YME1L1: variants seen among roughly 807,000 people sequenced by gnomAD.
The protein encoded by YME1L1 is YME1 like 1 ATPase.
Under a neutral mutation model 90.4 loss-of-function variants are expected in YME1L1, and 39 were observed. The ratio of observed to expected loss-of-function variants is 0.43; its 90% CI spans 0.33 to 0.56. The LOEUF (loss-of-function observed/expected upper bound fraction) is 0.56. Ranked by LOEUF, YME1L1 falls within the 20% of genes least tolerant of loss-of-function variation. The pLI is 0.03. For synonymous variants in YME1L1, 284 were observed against 287.3 expected, an observed-to-expected ratio of 0.99 and a Z score of 0.12; for missense variants, 617 against 868.4, an observed-to-expected ratio of 0.71 and a Z score of 3.64.
At chr10:27,144,493 A>C (rs1341395331) in intron 3 of YME1L1, among the ~76,000 whole-genome samples, 1 of 152,180 alleles carries the variant, frequency 6.6e-6, no homozygotes, top group Non-Finnish European at 1.5e-5. Flanking sequence ...GGCCTGTTTA[A>C]GTGCCATCCA....
In YME1L1 at chr10:27,154,287, G is replaced by A; in HGVS notation, c.-77C>T. The A allele has an allele frequency of 6.6e-7, 1 of 1,515,432 alleles. No individual in the cohort carries two copies. Among genetic ancestry groups the A allele is most frequent in the Non-Finnish European group, 8.9e-7 (1 of 1,123,952 alleles). The allele number at this position is 1,515,432 out of a possible 1,614,324, so 93.9% of individuals were successfully genotyped here. A position where few individuals can be genotyped will look rare whatever the true frequency, so the allele number is the denominator to read the frequency against. On this transcript the variant is annotated 5_prime_UTR_variant, in exon 1 of 19. Transcript: ENST00000376016. ...GTCCACGGCCCGGCGGGGAGGCGCT[G>A]AGCCCTTCTTTTTTCCTTTTTCTCC...
chr10:27,145,647 A>T (rs2057136772), intron 2 of YME1L1, 57 bp from the exon 3 acceptor site: 2 of 1,387,884 alleles, frequency 1.4e-6, no homozygotes, highest in Non-Finnish European at 2.0e-6. Flanking sequence ...ATTTAACCTA[A>T]GGAGTACATA....
intron 2 of YME1L1, chr10:27,147,496 A>G: frequency 1.9e-6 from 3 of 1,613,612 alleles, no homozygotes; most frequent in Non-Finnish European, 2.5e-6. Context: ...CCCGCAGTGT[A>G]CAGGGATTGA....
At chr10:27,128,594 A>G (rs746387910) in intron 8 of YME1L1, among the ~76,000 whole-genome samples, 14 of 151,830 alleles carry the variant, frequency 9.2e-5, no homozygotes, top group East Asian at 1.9e-4. Context: ...ACCCCCCAAA[A>G]AAAAGAAGAA....
intron 18 of YME1L1, among the ~76,000 whole-genome samples, chr10:27,112,476 A>C (rs1420579137): frequency 2.0e-5 from 3 of 152,112 alleles, no homozygotes; most frequent in Non-Finnish European, 4.4e-5. Flanking sequence ...AGCCCTCTCA[A>C]GTGCTATTTG....
At chr10:27,153,118 G>A (rs555667964) in intron 1 of YME1L1, 16 of 458,032 alleles carry the variant, frequency 3.5e-5, no homozygotes, top group South Asian at 1.9e-4. Context: ...GGACCTCCAG[G>A]TATTTTTCTG....
chr10:27,152,777 C>T (rs899371801), intron 1 of YME1L1, among the ~76,000 whole-genome samples: 2 of 151,810 alleles, frequency 1.3e-5, no homozygotes, highest in African/African-American at 4.8e-5. Context: ...ATATCTCATT[C>T]TCTTCTTTCC....
At chr10:27,133,551 G>A (rs2056997363) in intron 7 of YME1L1, among the ~76,000 whole-genome samples, 1 of 152,082 alleles carries the variant, frequency 6.6e-6, no homozygotes. Context: ...GGCCCACAAA[G>A]TATTTTTTAA....
chr10:27,151,458 A>G (rs971323987), intron 1 of YME1L1, among the ~76,000 whole-genome samples: 1 of 152,246 alleles, frequency 6.6e-6, no homozygotes, highest in South Asian at 2.1e-4. Context: ...GGTACAGACC[A>G]TTTAATAGAT....
chr10:27,139,895 T>A (rs1189767694), intron 4 of YME1L1, among the ~76,000 whole-genome samples: 1 of 152,260 alleles, frequency 6.6e-6, no homozygotes, highest in Non-Finnish European at 1.5e-5. Context: ...TAAATTTGTT[T>A]TTGGTTTAAT....
intron 18 of YME1L1, among the ~76,000 whole-genome samples, chr10:27,113,968 T>A (rs1588580032): frequency 1.3e-5 from 2 of 150,996 alleles, no homozygotes; most frequent in South Asian, 4.2e-4. Context: ...AAAAAAAAAA[T>A]TTATTTGTTG....
Position 27,143,361 on chromosome 10 carries a change from C to T in YME1L1, c.332-876G>A, listed in dbSNP as rs1041819780. 2.7e-5 allele frequency among the ~76,000 whole-genome samples: 4 copies of T among 149,196 alleles called. No homozygotes were observed. In the South Asian group the frequency reaches 8.6e-4, roughly 32 times the overall value. ...TCCCGCCTGGGCAACAAGAGTGAAACTCAGTCTCAAAAACAAAACAAAACA... is the reference window on the plus strand; with the variant it reads ...TCCCGCCTGGGCAACAAGAGTGAAATTCAGTCTCAAAAACAAAACAAAACA... On this transcript the variant is annotated intron_variant, in intron 3 of 18. Transcript: ENST00000376016.
In YME1L1 at chr10:27,117,564, C is replaced by CA. The variant is rs1254112036; in HGVS notation, c.1719+11dup. On this transcript the variant is annotated intron_variant, in intron 15 of 18. Transcript: ENST00000376016. ...GCCTGGGTGACAGGGCGAGACACTA[C>CA]AAAAAACTTACATGTCCAAGTGTTG... 9.3e-6 allele frequency: 15 copies of CA among 1,612,228 alleles called. No individual in the cohort carries two copies. Among genetic ancestry groups the CA allele is most frequent in the Non-Finnish European group, 1.3e-5 (15 of 1,179,430 alleles).
chr10:27,112,115 T>A lies in YME1L1; in HGVS notation c.2013A>T (p.Ser671=), dbSNP rs542565458. ...TCAAGATATGTTTTGCTCGTTCATA[T>A]GAGTCCTGAAACAGAAAAGGAGATA... is the stretch of plus-strand genomic sequence containing the variant. The part of the protein sequence containing the change: ...EQEIRILLRD[S]YERAKHILKT... The change falls in exon 19 of 19, where the codon TCA becomes TCT. Residue 671 remains serine, a synonymous_variant. Coordinates refer to ENST00000376016, the MANE Select transcript of YME1L1 (RefSeq NM_014263.4). 1 of 1,612,760 alleles carries A rather than the reference T, an allele frequency of 6.2e-7. No individual in the cohort carries two copies. Among genetic ancestry groups the A allele is most frequent in the Non-Finnish European group, 8.5e-7 (1 of 1,179,640 alleles).
At chr10:27,119,811 A>C (rs2056848411) in intron 13 of YME1L1, among the ~76,000 whole-genome samples, 1 of 139,830 alleles carries the variant, frequency 7.2e-6, no homozygotes, top group Non-Finnish European at 1.5e-5. Flanking sequence ...CTCTTGTCTC[A>C]AAAAAAAACC....
chr10:27,148,849 T>G (rs2057174654), intron 2 of YME1L1, 57 bp downstream of exon 2: 1 of 1,597,056 alleles, frequency 6.3e-7, no homozygotes. Flanking sequence ...CTTCATTTGT[T>G]TAAGGGTCAA....
At position 27,148,900 on chromosome 10, in the gene YME1L1, A is replaced by C. The variant is rs750529118; in HGVS notation, c.168+6T>G. The C allele has an allele frequency of 6.2e-7, 1 of 1,613,692 alleles. No homozygotes were observed. Among genetic ancestry groups the C allele is most frequent in the Non-Finnish European group, 8.5e-7 (1 of 1,179,952 alleles). On this transcript the variant is annotated splice_donor_region_variant and intron_variant, in intron 2 of 18. Transcript: ENST00000376016. ...GCTTTCTCACACAACCAGGATAAAG[A>C]CTTACCTCACTGCTGGGAGCCTCAT... is the stretch of plus-strand genomic sequence containing the variant.
At position 27,110,748 on chromosome 10, in the gene YME1L1, G is replaced by T. The variant is rs1433144284; in HGVS notation, c.*1229C>A. On this transcript the variant is annotated 3_prime_UTR_variant, in exon 19 of 19. Coordinates refer to ENST00000376016, the MANE Select transcript of YME1L1 (RefSeq NM_014263.4). Reference sequence around the variant, plus strand: ...AATGAGGGACATTATTCAGAATGAGGTTATGTATTTATTTAACAAAATACT... The same window carrying T: ...AATGAGGGACATTATTCAGAATGAGTTTATGTATTTATTTAACAAAATACT... The T allele has an allele frequency of 6.6e-6, 1 of 152,110 alleles. No individual in the cohort carries two copies. The highest frequency in any genetic ancestry group is 1.5e-5 in the Non-Finnish European group (1 of 68,028). 9.4% of individuals were successfully genotyped at this position (152,110 alleles called of 1,614,324 possible).
chr10:27,138,659 T>G (rs998274406), intron 4 of YME1L1, among the ~76,000 whole-genome samples: 2 of 152,192 alleles, frequency 1.3e-5, no homozygotes, highest in African/African-American at 4.8e-5. Flanking sequence ...GTATGGACAA[T>G]GCAGTGAACT....
Sources: allele counts gnomAD v4.1 joint callset (sites outside exome capture counted in the v4.1 genomes callset), GRCh38; gene constraint gnomAD v4.1.1; transcripts MANE v1.5; gene names NCBI Gene and HGNC (gene_info 2026-07-23, HGNC 2026-07-21).